SLC35F1: variants seen among roughly 807,000 people sequenced by gnomAD.
SLC35F1 encodes the protein solute carrier family 35 member F1.
Under a neutral mutation model 48.7 loss-of-function variants are expected in SLC35F1, and 14 were observed. The observed-to-expected ratio is 0.29, with a 90% CI of 0.19 to 0.45. The LOEUF is 0.45. Among genes scored for constraint, SLC35F1 ranks in the 20% least tolerant of loss-of-function variants. SLC35F1 has a pLI of 1.00. For synonymous variants in SLC35F1, 190 were observed against 202.2 expected (o/e 0.94, Z 0.51); for missense variants, 404 against 500.0 (o/e 0.81, Z 1.83).
At chr6:118,042,092 G>T (rs1463243702) in intron 1 of SLC35F1, among the ~76,000 whole-genome samples, 1 of 152,060 alleles carries the variant, frequency 6.6e-6, no homozygotes, top group East Asian at 1.9e-4. Context: ...CATCCATAAA[G>T]TCTTTCCTGA....
intron 2 of SLC35F1, among the ~76,000 whole-genome samples, chr6:118,200,480 T>C (rs1774860886): frequency 1.3e-5 from 2 of 152,180 alleles, no homozygotes; most frequent in African/African-American, 4.8e-5. Context: ...AGGTTCCTGG[T>C]TGCTGAAACA....
chr6:118,095,432 A>T (rs1773139404), intron 1 of SLC35F1, among the ~76,000 whole-genome samples: 1 of 152,178 alleles, frequency 6.6e-6, no homozygotes, highest in South Asian at 2.1e-4. Flanking sequence ...CCTACCAGGC[A>T]GGTGATTGTC....
chr6:118,143,804 CATGACAGCCTGTGGG>C (rs1773929104), intron 1 of SLC35F1, among the ~76,000 whole-genome samples: 1 of 152,134 alleles, frequency 6.6e-6, no homozygotes, highest in Non-Finnish European at 1.5e-5. Context: ...ATTTAATCCT[CATGACAGCCTGTGGG>C]ATATGTATTA....
At chr6:118,125,853 C>T (rs1048582966) in intron 1 of SLC35F1, among the ~76,000 whole-genome samples, 3 of 152,174 alleles carry the variant, frequency 2.0e-5, no homozygotes, top group Non-Finnish European at 2.9e-5. Context: ...CTGGCCAGCT[C>T]AGGGATGGAG....
At chr6:118,075,727 T>C (rs1279853921) in intron 1 of SLC35F1, among the ~76,000 whole-genome samples, 1 of 152,234 alleles carries the variant, frequency 6.6e-6, no homozygotes, top group African/African-American at 2.4e-5. Flanking sequence ...GATATAGATT[T>C]TAAAGTATAT....
intron 2 of SLC35F1, among the ~76,000 whole-genome samples, chr6:118,157,113 A>G (rs993958906): frequency 3.9e-5 from 6 of 152,116 alleles, no homozygotes; most frequent in Non-Finnish European, 8.8e-5. Context: ...AAATTTTATA[A>G]ATGAGAATAC....
chr6:118,249,823 G>T (rs1397250429), intron 3 of SLC35F1, among the ~76,000 whole-genome samples: 2 of 152,126 alleles, frequency 1.3e-5, no homozygotes, highest in Non-Finnish European at 2.9e-5. Flanking sequence ...CAGGAAGACA[G>T]ACCATGACTG....
At chr6:118,282,597 T>C (rs1002160733) in intron 6 of SLC35F1, among the ~76,000 whole-genome samples, 1 of 152,208 alleles carries the variant, frequency 6.6e-6, no homozygotes, top group Non-Finnish European at 1.5e-5. Flanking sequence ...GGACAGATCC[T>C]TTTGGATAAT....
At chr6:118,226,404 G>A (rs1249722573) in intron 2 of SLC35F1, among the ~76,000 whole-genome samples, 3 of 152,058 alleles carry the variant, frequency 2.0e-5, no homozygotes, top group African/African-American at 7.2e-5. Context: ...AGAGTTATCT[G>A]CGTTTCTGTG....
chr6:118,046,847 T>C (rs1772308687), intron 1 of SLC35F1, among the ~76,000 whole-genome samples: 1 of 152,086 alleles, frequency 6.6e-6, no homozygotes, highest in South Asian at 2.1e-4. Context: ...TACACAGTAA[T>C]TTACGTAGTG....
intron 1 of SLC35F1, among the ~76,000 whole-genome samples, chr6:118,089,871 AT>A (rs2114340985): frequency 1.3e-5 from 2 of 152,294 alleles, no homozygotes; most frequent in African/African-American, 4.8e-5. Flanking sequence ...CCATAAGCCA[AT>A]TTCATGAAAC....
At chr6:118,230,388 G>T (rs1380756354) in intron 2 of SLC35F1, among the ~76,000 whole-genome samples, 1 of 151,784 alleles carries the variant, frequency 6.6e-6, no homozygotes, top group African/African-American at 2.4e-5. Context: ...TTACTGCATT[G>T]TTTGAAAAAT....
intron 2 of SLC35F1, among the ~76,000 whole-genome samples, chr6:118,179,829 G>A (rs950447630): frequency 2.0e-5 from 3 of 152,074 alleles, no homozygotes; most frequent in African/African-American, 4.8e-5. Context: ...ACACTCTCAC[G>A]CTGGTTATGT....
chr6:117,987,918 A>G (rs1431958918), intron 1 of SLC35F1, among the ~76,000 whole-genome samples: 1 of 152,172 alleles, frequency 6.6e-6, no homozygotes, highest in Non-Finnish European at 1.5e-5. Flanking sequence ...AGGCTGAAAA[A>G]AATAGTTGTT....
At chr6:118,261,434 C>A (rs1210997329) in intron 3 of SLC35F1, among the ~76,000 whole-genome samples, 4 of 152,126 alleles carry the variant, frequency 2.6e-5, no homozygotes, top group Non-Finnish European at 5.9e-5. Flanking sequence ...TGCATATATA[C>A]ATATGCATAC....
At chr6:118,119,494 G>GCCCGCCCCC (rs1773522197) in intron 1 of SLC35F1, among the ~76,000 whole-genome samples, 1 of 52,192 alleles carries the variant, frequency 1.9e-5, no homozygotes, top group African/African-American at 5.7e-5. Flanking sequence ...AATAACCGGC[G>GCCCGCCCCC]CCCCCCCTCC....
At chr6:118,081,564 G>T (rs141200220) in intron 1 of SLC35F1, among the ~76,000 whole-genome samples, 635 of 152,300 alleles carry the variant, frequency 4.2e-3, no homozygotes, top group Non-Finnish European at 4.9e-3. Flanking sequence ...GAGCCCAGCA[G>T]TTTGAGGCTG....
intron 1 of SLC35F1, among the ~76,000 whole-genome samples, chr6:117,911,053 G>T (rs1466309615): frequency 6.6e-6 from 1 of 151,952 alleles, no homozygotes; most frequent in African/African-American, 2.4e-5. Flanking sequence ...TACTCTAAAG[G>T]CTTGTCGAGT....
At chr6:118,004,370 G>A (rs1777146373) in intron 1 of SLC35F1, among the ~76,000 whole-genome samples, 1 of 152,080 alleles carries the variant, frequency 6.6e-6, no homozygotes, top group African/African-American at 2.4e-5. Context: ...GAGAGTTTTA[G>A]TGATGACTGA....
Sources: gnomAD v4.1 joint callset for allele counts (sites outside exome capture counted in the v4.1 genomes callset) on GRCh38, gnomAD v4.1.1 for gene constraint, MANE v1.5 for transcripts, NCBI Gene and HGNC (gene_info 2026-07-23, HGNC 2026-07-21) for gene names.